ARID3A: variants seen among roughly 807,000 people sequenced by gnomAD.
ARID3A encodes the protein AT-rich interaction domain 3A, also known as AT-rich interactive domain-containing protein 3A.
In ARID3A, 11 loss-of-function variants were observed where a neutral mutation model predicts 52.7. That is an observed-to-expected ratio of 0.21 (90% confidence interval 0.13 to 0.35). The LOEUF (loss-of-function observed/expected upper bound fraction) is 0.35. Ranked by LOEUF, ARID3A falls within the 10% of genes least tolerant of loss-of-function variation. The pLI, the probability that ARID3A is intolerant of heterozygous loss-of-function variation, is 1.00. For missense variants in ARID3A, 721 were observed against 838.5 expected (o/e 0.86, Z 1.73); for synonymous variants, 404 against 359.4 (o/e 1.12, Z -1.40).
At position 944,325 on chromosome 19, in the gene ARID3A, G is replaced by GTGT. The variant is rs1555727928; in HGVS notation, c.693+11583_693+11584insTGT. Among the ~76,000 whole-genome samples, 15 of 149,840 alleles carry GTGT rather than the reference G, an allele frequency of 1.0e-4. No homozygotes were observed. The South Asian group carries it at 1.1e-3, about 11-fold the overall frequency. The stretch of plus-strand genomic sequence containing the variant: ...TCTGGCTGCAGGGGCGCGTCCAGGG[G>GTGT]GTGTGTGTGTGTGTGTGTGTGTGTC... On this transcript the variant is annotated intron_variant, in intron 3 of 8. Coordinates refer to ENST00000263620, the MANE Select transcript of ARID3A (RefSeq NM_005224.3). The surrounding 1 kb of genome is among the most constrained non-coding windows in gnomAD (Gnocchi z 5.9).
rs1355582989 is a variant in ARID3A, at chr19:975,265, G to T, written c.*3200G>T. On this transcript the variant is annotated 3_prime_UTR_variant, in exon 9 of 9. Coordinates refer to ENST00000263620, the MANE Select transcript of ARID3A (RefSeq NM_005224.3). ...GTGCCCCACAGTCAAGGCCAACGGG[G>T]GCTCCCCCTGCTCTGAGATGTTGGG... is the stretch of plus-strand genomic sequence containing the variant. 12 of 232,172 alleles carry T rather than the reference G, an allele frequency of 5.2e-5. No individual in the cohort carries two copies. 14.4% of individuals were successfully genotyped at this position (232,172 alleles called of 1,614,324 possible).
intron 3 of ARID3A, among the ~76,000 whole-genome samples, chr19:943,703 G>A (rs2037607203): frequency 6.6e-6 from 1 of 152,224 alleles, no homozygotes; most frequent in Non-Finnish European, 1.5e-5. Context: ...GCTGGGAGAG[G>A]AGGGAAGGAC....
chr19:957,124 G>A (rs1477662576), intron 3 of ARID3A, among the ~76,000 whole-genome samples: 2 of 146,818 alleles, frequency 1.4e-5, no homozygotes, highest in East Asian at 4.4e-4. Flanking sequence ...GGGGGGGGGC[G>A]CTGGGGGACC....
At position 947,098 on chromosome 19, in the gene ARID3A, A is replaced by G. The variant is rs1483614448; in HGVS notation, c.694-12994A>G. On this transcript the variant is annotated intron_variant, in intron 3 of 8. Transcript: ENST00000263620. This position sits in a 1 kb window ranked among gnomAD's most constrained non-coding sequence, Gnocchi z 6.3. ...GTGGGAGCCACTGTGCCCAGCCCACACTGAGATTCTGCATTGAAATGTTTG... is the reference window on the plus strand; with the variant it reads ...GTGGGAGCCACTGTGCCCAGCCCACGCTGAGATTCTGCATTGAAATGTTTG... Among the ~76,000 whole-genome samples, 2 of 151,774 alleles carry G rather than the reference A, an allele frequency of 1.3e-5. No homozygotes were observed. Among genetic ancestry groups the G allele is most frequent in the Non-Finnish European group, 2.9e-5 (2 of 67,970 alleles).
Position 975,164 on chromosome 19 carries a change from A to C in ARID3A, c.*3099A>C, listed in dbSNP as rs1249084351. On this transcript the variant is annotated 3_prime_UTR_variant, in exon 9 of 9. Coordinates refer to ENST00000263620, the MANE Select transcript of ARID3A (RefSeq NM_005224.3). ...TATGCAGACTGGGAGGGGGTCGGGC[A>C]GTCCCCTCAGCCACGAGGACCCTGG... 1 of 231,392 alleles carries C rather than the reference A, an allele frequency of 4.3e-6. No individual in the cohort carries two copies. Among genetic ancestry groups the C allele is most frequent in the Non-Finnish European group, 8.5e-6 (1 of 116,986 alleles). 14.3% of individuals were successfully genotyped at this position (231,392 alleles called of 1,614,324 possible). A position where few individuals can be genotyped will look rare whatever the true frequency, so the allele number is the denominator to read the frequency against.
intron 3 of ARID3A, among the ~76,000 whole-genome samples, chr19:940,111 A>G (rs570048993): frequency 6.3e-4 from 96 of 152,152 alleles, no homozygotes; most frequent in Non-Finnish European, 7.1e-4. Context: ...GGGGCTTTGC[A>G]GGATGTGTAA....
At chr19:940,999 A>C (rs2037538153) in intron 3 of ARID3A, among the ~76,000 whole-genome samples, 1 of 151,964 alleles carries the variant, frequency 6.6e-6, no homozygotes, top group Non-Finnish European at 1.5e-5. Flanking sequence ...CAGCCGGAAG[A>C]GCCTTATCTG....
rs1161205232 is a variant in ARID3A, at chr19:942,245, C to G, written c.693+9503C>G. On this transcript the variant is annotated intron_variant, in intron 3 of 8. Transcript: ENST00000263620. The surrounding 1 kb of genome is among the most constrained non-coding windows in gnomAD (Gnocchi z 8.1). ...CTTGCCTCAGTTTCCCTGCTGGACA[C>G]AAAGGGCTGAAGTCCAGGTCCCTTC... Among the ~76,000 whole-genome samples, 1 of 152,186 alleles carries G rather than the reference C, an allele frequency of 6.6e-6. No homozygotes were observed. The highest frequency in any genetic ancestry group is 2.4e-5 in the African/African-American group (1 of 41,446).
intron 1 of ARID3A, among the ~76,000 whole-genome samples, chr19:926,294 T>G (rs952619294): frequency 8.6e-5 from 13 of 151,020 alleles, no homozygotes; most frequent in Admixed American, 3.3e-4. Flanking sequence ...GTCCCCAAAG[T>G]TGGGCGGAGA....
rs1022877145 is a variant in ARID3A, at chr19:947,490, G to A, written c.694-12602G>A. ...TGAAACGGGCTGGCGGCCGGTCAGC[G>A]TCTCCTCCCTGAGCAAGGGACTCCC... On this transcript the variant is annotated intron_variant, in intron 3 of 8. Coordinates refer to ENST00000263620, the MANE Select transcript of ARID3A (RefSeq NM_005224.3). This position sits in a 1 kb window ranked among gnomAD's most constrained non-coding sequence, Gnocchi z 6.3. Among the ~76,000 whole-genome samples, 9 of 152,226 alleles carry A rather than the reference G, an allele frequency of 5.9e-5. No individual in the cohort carries two copies. The highest frequency in any genetic ancestry group is 4.8e-5 in the African/African-American group (2 of 41,540).
At chr19:962,758 G>A (rs901954679) in intron 4 of ARID3A, among the ~76,000 whole-genome samples, 12 of 151,776 alleles carry the variant, frequency 7.9e-5, no homozygotes, top group African/African-American at 1.9e-4. Context: ...TGGGTGATCC[G>A]CCCGCCTCAG....
intron 1 of ARID3A, chr19:928,863 C>T (rs2037255786): frequency 6.6e-6 from 1 of 152,142 alleles, no homozygotes; most frequent in Non-Finnish European, 1.5e-5. Flanking sequence ...TGGGAGGATA[C>T]CTAGATACCT....
intron 3 of ARID3A, among the ~76,000 whole-genome samples, chr19:945,444 G>A (rs1186923257): frequency 6.6e-6 from 1 of 151,882 alleles, no homozygotes; most frequent in African/African-American, 2.4e-5. Context: ...GTCCAGGGCG[G>A]CCCCAGCCCA....
At chr19:946,749 C>G (rs1431006372) in intron 3 of ARID3A, among the ~76,000 whole-genome samples, 1 of 151,798 alleles carries the variant, frequency 6.6e-6, no homozygotes, top group Non-Finnish European at 1.5e-5. Context: ...CTAATGTTTT[C>G]TTTCTTTAAT....
Position 960,286 on chromosome 19 carries a change from G to C in ARID3A, c.766+122G>C. 2.4e-6 allele frequency: 2 copies of C among 843,760 alleles called. No homozygotes were observed. Among genetic ancestry groups the C allele is most frequent in the Non-Finnish European group, 3.5e-6 (2 of 563,398 alleles). 52.3% of individuals were successfully genotyped at this position (843,760 alleles called of 1,614,324 possible). On this transcript the variant is annotated intron_variant, in intron 4 of 8. Coordinates refer to ENST00000263620, the MANE Select transcript of ARID3A (RefSeq NM_005224.3). The surrounding 1 kb of genome is among the most constrained non-coding windows in gnomAD (Gnocchi z 4.3). Reference sequence around the variant, plus strand: ...CACCCCGTGGCTGGAGGCATCCAAGGCTCCTAAATCGGGAGGGACTTCAGG... The same window carrying C: ...CACCCCGTGGCTGGAGGCATCCAAGCCTCCTAAATCGGGAGGGACTTCAGG...
Position 949,708 on chromosome 19 carries a change from G to A in ARID3A, c.694-10384G>A, listed in dbSNP as rs76567027. The stretch of plus-strand genomic sequence containing the variant: ...TTTTTTTTTTTTGAGATGGAGTCTC[G>A]CTCTGTCGCCCAGGCTGGAGTGCAG... On this transcript the variant is annotated intron_variant, in intron 3 of 8. Transcript: ENST00000263620. Among the ~76,000 whole-genome samples the A allele has an allele frequency of 4.5e-4, 59 of 132,308 alleles. No homozygotes were observed. In the East Asian group the frequency reaches 0.012, roughly 28 times the overall value. 86.8% of individuals were successfully genotyped at this position (132,308 alleles called of 152,430 possible). A position where few individuals can be genotyped will look rare whatever the true frequency, so the allele number is the denominator to read the frequency against.
At chr19:965,195 T>C (rs552677452) in intron 6 of ARID3A, 115 bp downstream of exon 6, 135 of 1,275,636 alleles carry the variant, frequency 1.1e-4, no homozygotes, top group Non-Finnish European at 9.0e-5. Flanking sequence ...AACCCTATAG[T>C]TGGCATGGAA....
chr19:948,462 C>T (rs147497443), intron 3 of ARID3A, among the ~76,000 whole-genome samples: 3,146 of 152,222 alleles, frequency 0.021, 84 homozygotes, highest in Admixed American at 0.079. Flanking sequence ...CGCCAGCTTC[C>T]GCTTCTTGAT....
At position 974,505 on chromosome 19, in the gene ARID3A, G is replaced by A. The variant is rs2038342009; in HGVS notation, c.*2440G>A. The A allele has an allele frequency of 4.3e-6, 1 of 230,816 alleles. No homozygotes were observed. The highest frequency in any genetic ancestry group is 6.1e-5 in the East Asian group (1 of 16,348). 14.3% of individuals were successfully genotyped at this position (230,816 alleles called of 1,614,324 possible). A position where few individuals can be genotyped will look rare whatever the true frequency, so the allele number is the denominator to read the frequency against. On this transcript the variant is annotated 3_prime_UTR_variant, in exon 9 of 9. Coordinates refer to ENST00000263620, the MANE Select transcript of ARID3A (RefSeq NM_005224.3). ...ACGCCTGGGCCCCGCGCCGGGGGAA[G>A]CGCCTGCTGCCTATCTCTGTCTACC...
Sources: allele counts gnomAD v4.1 joint callset (sites outside exome capture counted in the v4.1 genomes callset), GRCh38; gene constraint gnomAD v4.1.1; non-coding constraint Gnocchi (gnomAD v3.1); transcripts MANE v1.5; gene names NCBI Gene and HGNC (gene_info 2026-07-23, HGNC 2026-07-21).